The following MYSM1 variants were observed in gnomAD, a reference collection of about 807,000 sequenced individuals.
MYSM1 encodes Myb like, SWIRM and MPN domains 1.
MYSM1 carries 51 observed loss-of-function variants against 116.0 expected under a neutral mutation model. That is an observed-to-expected ratio of 0.44 (90% CI 0.35 to 0.56). The LOEUF is 0.56. MYSM1 is among the 20% of genes least tolerant of loss of function. MYSM1 has a pLI of 0.00. For synonymous variants in MYSM1, 313 were observed against 315.2 expected, an observed-to-expected ratio of 0.99 and a Z score of 0.07; for missense variants, 900 against 974.9, an observed-to-expected ratio of 0.92 and a Z score of 1.02.
At chr1:58,662,303 C>T (rs148500637) in intron 17 of MYSM1, among the ~76,000 whole-genome samples, 63 of 152,208 alleles carry the variant, frequency 4.1e-4, no homozygotes, top group African/African-American at 1.2e-3. Flanking sequence ...TCCTTCAAGA[C>T]CCCCATGCAA....
In MYSM1 at chr1:58,677,046, T is replaced by C. The variant is rs768592316; in HGVS notation, c.1270A>G (p.Lys424Glu). The C allele has an allele frequency of 1.2e-6, 2 of 1,602,596 alleles. No individual in the cohort carries two copies. Among genetic ancestry groups the C allele is most frequent in the South Asian group, 2.3e-5 (2 of 88,842 alleles). The change falls in exon 9 of 20, where the codon AAA becomes GAA. Residue 424 changes from lysine to glutamate, a missense_variant. Coordinates refer to ENST00000472487, the MANE Select transcript of MYSM1 (RefSeq NM_001085487.3). ...GAGGTCTTATTTAAGTATTTTGGTTTGCATATCTCCCTAATTAAGAGACAG... is the reference window on the plus strand; with the variant it reads ...GAGGTCTTATTTAAGTATTTTGGTTCGCATATCTCCCTAATTAAGAGACAG... ...NYILDQWEICKPKYLNKTSVR... is the reference protein window; with the variant it reads ...NYILDQWEICEPKYLNKTSVR...
At chr1:58,673,718 C>T (rs1644599863) in intron 10 of MYSM1, 68 bp from the exon 11 acceptor site, 2 of 1,287,914 alleles carry the variant, frequency 1.6e-6, no homozygotes, top group Non-Finnish European at 2.2e-6. Flanking sequence ...CACATTAATA[C>T]ACAAAATGAA....
chr1:58,699,957 C>G, intron 1 of MYSM1, 28 bp downstream of exon 1: 7 of 1,613,158 alleles, frequency 4.3e-6, no homozygotes, highest in Non-Finnish European at 5.9e-6. Flanking sequence ...CCTCTCCGCC[C>G]CAGAGAGACC....
chr1:58,695,351 T>C, intron 1 of MYSM1, 144 bp from the exon 2 acceptor site: 1 of 531,550 alleles, frequency 1.9e-6, no homozygotes, highest in Non-Finnish European at 3.4e-6. Context: ...GATTTAACAT[T>C]GTGGAAATGC....
intron 17 of MYSM1, among the ~76,000 whole-genome samples, chr1:58,663,625 C>T (rs1644426976): frequency 6.6e-6 from 1 of 152,238 alleles, no homozygotes; most frequent in Non-Finnish European, 1.5e-5. Context: ...CTCATGGGAG[C>T]ATCATGGATA....
intron 3 of MYSM1, among the ~76,000 whole-genome samples, chr1:58,691,740 G>A (rs867253049): frequency 1.2e-4 from 18 of 151,866 alleles, no homozygotes; most frequent in Admixed American, 5.2e-4. Flanking sequence ...GGTGGTGTGC[G>A]CCCATAATCC....
intron 7 of MYSM1, among the ~76,000 whole-genome samples, chr1:58,684,734 A>G (rs1393272365): frequency 1.3e-5 from 2 of 152,190 alleles, no homozygotes; most frequent in Admixed American, 1.3e-4. Context: ...AAAATTTCAT[A>G]GCTATTTAAC....
chr1:58,695,093 A>T (rs747001088), intron 2 of MYSM1, 36 bp downstream of exon 2: 2 of 1,329,422 alleles, frequency 1.5e-6, no homozygotes, highest in Non-Finnish European at 1.1e-6. Flanking sequence ...AATAAATAAC[A>T]GCTTAATGCA....
intron 17 of MYSM1, among the ~76,000 whole-genome samples, chr1:58,663,672 T>C (rs1644428025): frequency 6.6e-6 from 1 of 152,248 alleles, no homozygotes; most frequent in African/African-American, 2.4e-5. Context: ...CTTTCCCATC[T>C]GGGCTAGTTT....
intron 6 of MYSM1, 149 bp downstream of exon 6, chr1:58,688,889 A>G: frequency 1.5e-6 from 1 of 646,988 alleles, no homozygotes; most frequent in Middle Eastern, 4.4e-4. Context: ...CACTATAAAC[A>G]TCATTACTCT....
chr1:58,668,556 C>CT, intron 14 of MYSM1, 76 bp downstream of exon 14: 1 of 1,490,066 alleles, frequency 6.7e-7, no homozygotes, highest in Non-Finnish European at 8.9e-7. Context: ...CTTCCATACT[C>CT]TGTCTTACGC....
chr1:58,691,998 T>C (rs1302028236), intron 3 of MYSM1, among the ~76,000 whole-genome samples: 1 of 152,202 alleles, frequency 6.6e-6, no homozygotes, highest in Non-Finnish European at 1.5e-5. Context: ...TTATATAATA[T>C]ATAGTTAAAA....
chr1:58,695,174 T>C lies in MYSM1; in HGVS notation c.102A>G (p.Lys34=), dbSNP rs778589203. Residue 34 remains lysine (K), a synonymous_variant, in exon 2 of 20, where the codon AAA becomes AAG. Coordinates refer to ENST00000472487, the MANE Select transcript of MYSM1 (RefSeq NM_001085487.3). ...SGENTASVLQ[K]DHYLDSSWRT... is the part of the protein sequence containing the mutation. ...TCCAAGATGAATCAAGATAGTGATCTTTTTGTAAAACTGATGCTGTATTTT... is the reference window on the plus strand; with the variant it reads ...TCCAAGATGAATCAAGATAGTGATCCTTTTGTAAAACTGATGCTGTATTTT... The C allele has an allele frequency of 1.1e-5, 17 of 1,605,832 alleles. No homozygotes were observed. Among genetic ancestry groups the C allele is most frequent in the Non-Finnish European group, 1.4e-5 (16 of 1,173,116 alleles).
At position 58,656,415 on chromosome 1, in the gene MYSM1, A is replaced by G. The variant is rs1357309037; in HGVS notation, c.*3582T>C. The G allele has an allele frequency of 6.6e-6, 1 of 152,224 alleles. No individual in the cohort carries two copies. The highest frequency in any genetic ancestry group is 6.5e-5 in the Admixed American group (1 of 15,270). 9.4% of individuals were successfully genotyped at this position (152,224 alleles called of 1,614,324 possible). ...AGAATGCAGGGAGTGATGATGAAGGAAAGGGTTTGTGGGAAATGGAGAGGA... is the reference window on the plus strand; with the variant it reads ...AGAATGCAGGGAGTGATGATGAAGGGAAGGGTTTGTGGGAAATGGAGAGGA... On this transcript the variant is annotated 3_prime_UTR_variant, in exon 20 of 20. Coordinates refer to ENST00000472487, the MANE Select transcript of MYSM1 (RefSeq NM_001085487.3).
chr1:58,690,191 A>G (rs780007626), intron 5 of MYSM1, 35 bp downstream of exon 5: 3 of 1,448,036 alleles, frequency 2.1e-6, no homozygotes, highest in Admixed American at 5.1e-5. Flanking sequence ...TAACTAATGA[A>G]AACAGATTTA....
In MYSM1 at chr1:58,681,825, C is replaced by G. The variant is rs183151957; in HGVS notation, c.1219G>C (p.Glu407Gln). ...TAATTTCTAATTTTCAAATAGCGTT[C>G]TGGTGTTTTAGCTTGGCGCCCCTCA... ...FFEGRQAKTP[E>Q]RYLKIRNYIL... Residue 407 changes from glutamate (E) to glutamine (Q), a missense_variant, in exon 8 of 20, where the codon GAA (glutamate) becomes CAA (glutamine). Physicochemically the swap from Glu to Gln is conservative, Grantham distance 29. Coordinates refer to ENST00000472487, the MANE Select transcript of MYSM1 (RefSeq NM_001085487.3). 2.6e-5 allele frequency: 41 copies of G among 1,602,622 alleles called. No homozygotes were observed. In the Middle Eastern group the frequency reaches 6.7e-4, roughly 26 times the overall value.
chr1:58,700,046 C>G lies in MYSM1; in HGVS notation c.7G>C (p.Ala3Pro), dbSNP rs1645040772. The G allele has an allele frequency of 6.2e-7, 1 of 1,613,744 alleles. No individual in the cohort carries two copies. Among genetic ancestry groups the G allele is most frequent in the South Asian group, 1.1e-5 (1 of 91,088 alleles). Residue 3 changes from alanine to proline, a missense_variant, in exon 1 of 20, where the codon GCT (alanine) becomes CCT (proline). Ala to Pro is a conservative substitution (Grantham distance 27). Coordinates refer to ENST00000472487, the MANE Select transcript of MYSM1 (RefSeq NM_001085487.3). MAAEEADVDIEGD... is the reference protein window; with the variant it reads MAPEEADVDIEGD... Reference sequence around the variant, plus strand: ...TCGATATCCACATCCGCCTCTTCAGCCGCCATGATGGGACCTGACCCCGTC... The same window carrying G: ...TCGATATCCACATCCGCCTCTTCAGGCGCCATGATGGGACCTGACCCCGTC...
In MYSM1 at chr1:58,665,772, C is replaced by A. The variant is rs1313011152; in HGVS notation, c.2032-141G>T. ...TAAAAAGTTCACATCTGGCCCGGCA[C>A]AGTGGCCCACGCCTGTAATCCCAGC... is the stretch of plus-strand genomic sequence containing the variant. On this transcript the variant is annotated intron_variant, in intron 16 of 19. Coordinates refer to ENST00000472487, the MANE Select transcript of MYSM1 (RefSeq NM_001085487.3). 3 of 616,922 alleles carry A rather than the reference C, an allele frequency of 4.9e-6. No individual in the cohort carries two copies. In the African/African-American group the frequency reaches 5.6e-5, roughly 12 times the overall value. The allele number at this position is 616,922 out of a possible 1,614,324, so 38.2% of individuals were successfully genotyped here. A position where few individuals can be genotyped will look rare whatever the true frequency, so the allele number is the denominator to read the frequency against.
intron 10 of MYSM1, among the ~76,000 whole-genome samples, chr1:58,674,373 C>T (rs1415006406): frequency 6.6e-6 from 1 of 152,174 alleles, no homozygotes; most frequent in East Asian, 1.9e-4. Context: ...TTATTAAAAT[C>T]CAGTTTTGCA....
Sources: gnomAD v4.1 joint callset for allele counts (sites outside exome capture counted in the v4.1 genomes callset) on GRCh38, gnomAD v4.1.1 for gene constraint, MANE v1.5 for transcripts, NCBI Gene and HGNC (gene_info 2026-07-23, HGNC 2026-07-21) for gene names.